Variants in TRIM38 observed in about 807,000 individuals in gnomAD.
The protein encoded by TRIM38 is E3 ubiquitin-protein ligase TRIM38.
A neutral mutation model predicts 35.8 loss-of-function variants in TRIM38; 35 were observed. The observed-to-expected ratio is 0.98, with a 90% CI of 0.75 to 1.30. The LOEUF (loss-of-function observed/expected upper bound fraction) is 1.30. Among genes scored for constraint, TRIM38 ranks in the 50% most tolerant of loss-of-function variants. TRIM38 has a pLI of 0.00. For synonymous variants in TRIM38, 198 were observed against 204.7 expected (o/e 0.97, Z 0.28); for missense variants, 545 against 556.9 (o/e 0.98, Z 0.21).
chr6:25,971,416 G>A (rs1019732858), intron 4 of TRIM38, among the ~76,000 whole-genome samples: 1 of 151,476 alleles, frequency 6.6e-6, no homozygotes, highest in African/African-American at 2.4e-5. Flanking sequence ...GTGGCTGATT[G>A]TGTGTGTGTG....
rs138869205 is a variant in TRIM38 at position 25,966,330 on chromosome 6, T to A, written c.-188-5T>A. On this transcript the variant is annotated splice_polypyrimidine_tract_variant and splice_region_variant and intron_variant, in intron 2 of 7. Coordinates refer to ENST00000357085, the MANE Select transcript of TRIM38 (RefSeq NM_006355.5). Reference sequence around the variant, plus strand: ...ACAACCTCAGCCTCAACTTCTTCCTTTTAGGTCCTCTTTTCTTCAATACAA... The same window carrying A: ...ACAACCTCAGCCTCAACTTCTTCCTATTAGGTCCTCTTTTCTTCAATACAA... 1 of 567,732 alleles carries A rather than the reference T, an allele frequency of 1.8e-6. No homozygotes were observed. The highest frequency in any genetic ancestry group is 2.9e-6 in the Non-Finnish European group (1 of 350,338). 35.2% of individuals were successfully genotyped at this position (567,732 alleles called of 1,614,324 possible).
rs1280123156 is a variant in TRIM38, at chr6:25,987,454, C to G, written c.*3767C>G. ...TTTCTGGTCTTTTCTTATAAGGGAC[C>G]AGTCCCATCATGCCCATCATGAAGA... On this transcript the variant is annotated 3_prime_UTR_variant, in exon 8 of 8. Transcript: ENST00000357085. 1 of 152,116 alleles carries G rather than the reference C, an allele frequency of 6.6e-6. No homozygotes were observed. Among genetic ancestry groups the G allele is most frequent in the Non-Finnish European group, 1.5e-5 (1 of 68,020 alleles). The allele number at this position is 152,116 out of a possible 1,614,324, so 9.4% of individuals were successfully genotyped here. A position where few individuals can be genotyped will look rare whatever the true frequency, so the allele number is the denominator to read the frequency against.
chr6:25,980,035 T>C (rs751761777), intron 7 of TRIM38, among the ~76,000 whole-genome samples: 1 of 152,178 alleles, frequency 6.6e-6, no homozygotes, highest in Non-Finnish European at 1.5e-5. Context: ...TAATACAGAT[T>C]TATTGAAACT....
rs1760809529 is a variant in TRIM38, at chr6:25,990,500, C to T, written c.*6813C>T. ...ATTTTTTTGTATTGAGACAGGGTTT[C>T]TCCATGTTGCCCAGGCTGGTCTTGA... On this transcript the variant is annotated 3_prime_UTR_variant, in exon 8 of 8. Coordinates refer to ENST00000357085, the MANE Select transcript of TRIM38 (RefSeq NM_006355.5). 1 of 151,948 alleles carries T rather than the reference C, an allele frequency of 6.6e-6. No homozygotes were observed. Among genetic ancestry groups the T allele is most frequent in the African/African-American group, 2.4e-5 (1 of 41,360 alleles). The allele number at this position is 151,948 out of a possible 1,614,324, so 9.4% of individuals were successfully genotyped here. A position where few individuals can be genotyped will look rare whatever the true frequency, so the allele number is the denominator to read the frequency against.
chr6:25,966,883 C>A lies in TRIM38; in HGVS notation c.361C>A (p.His121Asn), dbSNP rs1189601247. The A allele has an allele frequency of 6.2e-7, 1 of 1,614,050 alleles. No homozygotes were observed. Among genetic ancestry groups the A allele is most frequent in the Non-Finnish European group, 8.5e-7 (1 of 1,179,924 alleles). Reference protein sequence around the residue: ...ICWRCERAPQHKGHTTALVED... With the variant: ...ICWRCERAPQNKGHTTALVED... ...CTGGCGCTGTGAGCGGGCACCACAG[C>A]ACAAAGGGCACACCACAGCTCTTGT... The change falls in exon 3 of 8, where the codon CAC (histidine) becomes AAC (asparagine). Residue 121 changes from histidine (H) to asparagine (N), a missense_variant. Physicochemically the swap from His to Asn is moderately conservative, Grantham distance 68 (BLOSUM62 1). Transcript: ENST00000357085.
In TRIM38 at chr6:25,966,908, T is replaced by C. The variant is rs758727754; in HGVS notation, c.386T>C (p.Val129Ala). ...CACAAAGGGCACACCACAGCTCTTG[T>C]TGAAGACGTATGCCAGGGCTACAAG... The part of the protein sequence containing the change: ...PQHKGHTTAL[V>A]EDVCQGYKEK... Residue 129 changes from valine to alanine, a missense_variant, in exon 3 of 8, where the codon GTT becomes GCT. Transcript: ENST00000357085. 45 of 1,610,164 alleles carry C rather than the reference T, an allele frequency of 2.8e-5. No individual in the cohort carries two copies. Among genetic ancestry groups the C allele is most frequent in the Non-Finnish European group, 3.8e-5 (45 of 1,176,802 alleles).
chr6:25,989,972 C>T lies in TRIM38; in HGVS notation c.*6285C>T, dbSNP rs1314172357. The T allele has an allele frequency of 6.6e-6, 1 of 150,414 alleles. No individual in the cohort carries two copies. Among genetic ancestry groups the T allele is most frequent in the Admixed American group, 6.6e-5 (1 of 15,100 alleles). The allele number at this position is 150,414 out of a possible 1,614,324, so 9.3% of individuals were successfully genotyped here. A position where few individuals can be genotyped will look rare whatever the true frequency, so the allele number is the denominator to read the frequency against. ...ACTGATCAAATTCACTATGTATTTG[C>T]AGAAAATGGCTTTCAATATTGTCTA... On this transcript the variant is annotated 3_prime_UTR_variant, in exon 8 of 8. Coordinates refer to ENST00000357085, the MANE Select transcript of TRIM38 (RefSeq NM_006355.5).
Position 25,986,799 on chromosome 6 carries a change from C to G in TRIM38, c.*3112C>G, listed in dbSNP as rs1760718379. On this transcript the variant is annotated 3_prime_UTR_variant, in exon 8 of 8. Coordinates refer to ENST00000357085, the MANE Select transcript of TRIM38 (RefSeq NM_006355.5). ...GAAAATCACAGATTCCTTCCAGCCA[C>G]CCCTCAATTACCCCTGGGATCCAAG... 1 of 135,980 alleles carries G rather than the reference C, an allele frequency of 7.4e-6. No homozygotes were observed. Among genetic ancestry groups the G allele is most frequent in the African/African-American group, 2.7e-5 (1 of 37,046 alleles). The allele number at this position is 135,980 out of a possible 1,614,324, so 8.4% of individuals were successfully genotyped here. A position where few individuals can be genotyped will look rare whatever the true frequency, so the allele number is the denominator to read the frequency against.
rs1475763418 is a variant in TRIM38, at chr6:25,990,051, C to T, written c.*6364C>T. 6.6e-6 allele frequency: 1 copy of T among 150,442 alleles called. No individual in the cohort carries two copies. The highest frequency in any genetic ancestry group is 1.5e-5 in the Non-Finnish European group (1 of 67,794). 9.3% of individuals were successfully genotyped at this position (150,442 alleles called of 1,614,324 possible). Reference sequence around the variant, plus strand: ...CTTCCTTTTTAGATACAGGGTCTCACTATGTTGCCCAGGCTGGTCTCCAAC... The same window carrying T: ...CTTCCTTTTTAGATACAGGGTCTCATTATGTTGCCCAGGCTGGTCTCCAAC... On this transcript the variant is annotated 3_prime_UTR_variant, in exon 8 of 8. Transcript: ENST00000357085.
rs544066408 is a variant in TRIM38 at position 25,963,090 on chromosome 6, G to C, written c.-381G>C. The C allele has an allele frequency of 1.3e-5, 2 of 152,316 alleles. No homozygotes were observed. The highest frequency in any genetic ancestry group is 4.8e-5 in the African/African-American group (2 of 41,382). 9.4% of individuals were successfully genotyped at this position (152,316 alleles called of 1,614,324 possible). A position where few individuals can be genotyped will look rare whatever the true frequency, so the allele number is the denominator to read the frequency against. ...CAGAAGATTCAGAACTTAGATGAGT[G>C]GGGCCCAGGACAGGAACCCTGGAGC... On this transcript the variant is annotated 5_prime_UTR_variant, in exon 2 of 8. Transcript: ENST00000357085.
intron 7 of TRIM38, chr6:25,975,744 T>C (rs1760372926): frequency 2.1e-6 from 2 of 940,452 alleles, no homozygotes; most frequent in Non-Finnish European, 2.5e-6. Flanking sequence ...TCTTCTATGT[T>C]ACTCGTTACT....
rs866420494 is a variant in TRIM38 at position 25,983,076 on chromosome 6, C to G, written c.875-88C>G. On this transcript the variant is annotated intron_variant, in intron 7 of 7. Coordinates refer to ENST00000357085, the MANE Select transcript of TRIM38 (RefSeq NM_006355.5). ...TGCACTCCAGCCTGGGTGACAGCAA[C>G]ACTCCATCTCAAAATAAAATAAAAT... 3 of 1,337,176 alleles carry G rather than the reference C, an allele frequency of 2.2e-6. No homozygotes were observed. The Admixed American group carries it at 7.4e-5, about 33-fold the overall frequency. 82.8% of individuals were successfully genotyped at this position (1,337,176 alleles called of 1,614,324 possible).
rs1377858823 is a variant in TRIM38 at position 25,983,019 on chromosome 6, G to T, written c.875-145G>T. 2.7e-5 allele frequency: 19 copies of T among 697,274 alleles called. No homozygotes were observed. In the East Asian group the frequency reaches 5.3e-4, roughly 19 times the overall value. 43.2% of individuals were successfully genotyped at this position (697,274 alleles called of 1,614,324 possible). ...CAGGAGAATTGCCTGAATCCAGGAG[G>T]TGGAGGTTGCAGTGAGTTGAGATAG... On this transcript the variant is annotated intron_variant, in intron 7 of 7. Coordinates refer to ENST00000357085, the MANE Select transcript of TRIM38 (RefSeq NM_006355.5).
intron 3 of TRIM38, 61 bp from the exon 4 acceptor site, chr6:25,969,264 C>G: frequency 8.3e-7 from 1 of 1,211,826 alleles, no homozygotes; most frequent in Non-Finnish European, 1.2e-6. Flanking sequence ...TTGGGATTCC[C>G]CCTAGGTCCC....
At chr6:25,980,423 CTTTT>C (rs1228527323) in intron 7 of TRIM38, among the ~76,000 whole-genome samples, 2 of 140,582 alleles carry the variant, frequency 1.4e-5, no homozygotes. Flanking sequence ...TTCATTCTTT[CTTTT>C]TTTTTTTTTT....
At chr6:25,964,741 G>A (rs1759964011) in intron 2 of TRIM38, among the ~76,000 whole-genome samples, 1 of 151,864 alleles carries the variant, frequency 6.6e-6, no homozygotes, top group Non-Finnish European at 1.5e-5. Context: ...CTCCTTCAAT[G>A]GAATCTGTCA....
At chr6:25,964,861 G>C (rs1425581156) in intron 2 of TRIM38, among the ~76,000 whole-genome samples, 2 of 150,730 alleles carry the variant, frequency 1.3e-5, no homozygotes, top group Non-Finnish European at 2.9e-5. Context: ...ACCCAGGCTG[G>C]AGTGCAGTGG....
rs939260453 is a variant in TRIM38, at chr6:25,986,468, C to T, written c.*2781C>T. The T allele has an allele frequency of 1.4e-5, 2 of 146,106 alleles. No homozygotes were observed. Among genetic ancestry groups the T allele is most frequent in the African/African-American group, 2.5e-5 (1 of 39,240 alleles). The allele number at this position is 146,106 out of a possible 1,614,324, so 9.1% of individuals were successfully genotyped here. ...GGGCAAGGCTGCAGTGAGCCATGGT[C>T]ATGCCACTGAATTCCAGCCTAAGTG... On this transcript the variant is annotated 3_prime_UTR_variant, in exon 8 of 8. Coordinates refer to ENST00000357085, the MANE Select transcript of TRIM38 (RefSeq NM_006355.5).
At chr6:25,963,303 GT>G (rs1759906099) in intron 2 of TRIM38, 21 bp downstream of exon 2, 1 of 134,374 alleles carries the variant, frequency 7.4e-6, no homozygotes, top group Non-Finnish European at 1.5e-5. Flanking sequence ...TTAAATTACT[GT>G]TTTTTATTCT....
Sources: gnomAD v4.1 joint callset for allele counts (sites outside exome capture counted in the v4.1 genomes callset) on GRCh38, gnomAD v4.1.1 for gene constraint, MANE v1.5 for transcripts, NCBI Gene and HGNC (gene_info 2026-07-23, HGNC 2026-07-21) for gene names.